The following TSGA10 variants were observed in gnomAD, a reference collection of about 807,000 sequenced individuals.
The protein encoded by TSGA10 is testis specific 10.
TSGA10 carries 43 observed loss-of-function variants against 96.6 expected under a neutral mutation model. The ratio of observed to expected loss-of-function variants is 0.44; its 90% confidence interval spans 0.35 to 0.57. The LOEUF is 0.57. Among genes scored for constraint, TSGA10 ranks in the 20% least tolerant of loss-of-function variants. The probability of loss-of-function intolerance (pLI) is 0.01; values close to 1 mark genes in which losing one functional copy is unlikely to be tolerated. For missense variants in TSGA10, 703 were observed against 834.4 expected (o/e 0.84, Z 1.94); for synonymous variants, 229 against 269.9 (o/e 0.85, Z 1.48).
chr2:99,059,236 G>A (rs1329384743), intron 16 of TSGA10, among the ~76,000 whole-genome samples: 1 of 151,358 alleles, frequency 6.6e-6, no homozygotes, highest in Non-Finnish European at 1.5e-5. Context: ...TTAAAGCAAT[G>A]TATTAGCCAG....
At chr2:99,038,175 C>T (rs1366324738) in intron 16 of TSGA10, among the ~76,000 whole-genome samples, 1 of 152,030 alleles carries the variant, frequency 6.6e-6, no homozygotes, top group African/African-American at 2.4e-5. Context: ...GAGACAAAAC[C>T]TTGAAATACA....
chr2:99,110,336 A>C (rs59506582), intron 5 of TSGA10, among the ~76,000 whole-genome samples: 1 of 152,162 alleles, frequency 6.6e-6, no homozygotes, highest in East Asian at 1.9e-4. Flanking sequence ...CTTTGACAAC[A>C]TTTATTTAAC....
intron 20 of TSGA10, among the ~76,000 whole-genome samples, chr2:99,016,977 C>T (rs1427894189): frequency 6.6e-6 from 1 of 151,966 alleles, no homozygotes; most frequent in Non-Finnish European, 1.5e-5. Flanking sequence ...GCAAGAATGG[C>T]CATAATTAAA....
At chr2:99,041,462 T>C (rs1003186175) in intron 16 of TSGA10, among the ~76,000 whole-genome samples, 2 of 152,198 alleles carry the variant, frequency 1.3e-5, no homozygotes, top group Non-Finnish European at 2.9e-5. Flanking sequence ...CAAAATAGCA[T>C]GGTACTGGTA....
intron 2 of TSGA10, among the ~76,000 whole-genome samples, chr2:99,121,761 C>A (rs13023744): frequency 6.6e-6 from 1 of 151,872 alleles, no homozygotes; most frequent in African/African-American, 2.4e-5. Flanking sequence ...CCACCACACC[C>A]GGCCAAAAAC....
intron 16 of TSGA10, among the ~76,000 whole-genome samples, chr2:99,038,584 G>A (rs72813053): frequency 0.015 from 2,258 of 152,204 alleles, 18 homozygotes; most frequent in Non-Finnish European, 0.024. Context: ...ATGATAAAAG[G>A]AAGAGTCTAA....
intron 2 of TSGA10, chr2:99,126,573 A>T (rs549945513): frequency 2.6e-5 from 4 of 152,752 alleles, no homozygotes; most frequent in African/African-American, 9.6e-5. Flanking sequence ...TCCTGGAAAA[A>T]GAAATCTCTT....
At chr2:99,144,018 C>CTT (rs36036293) in intron 1 of TSGA10, among the ~76,000 whole-genome samples, 19 of 151,452 alleles carry the variant, frequency 1.3e-4, no homozygotes, top group South Asian at 1.0e-3. Context: ...TGCTGTGTTC[C>CTT]TTTTTTTTGT....
chr2:99,090,564 G>C (rs533430812), intron 10 of TSGA10, among the ~76,000 whole-genome samples: 1 of 152,054 alleles, frequency 6.6e-6, no homozygotes, highest in African/African-American at 2.4e-5. Flanking sequence ...CAGTGAAATA[G>C]GTAGTATAAA....
chr2:99,018,494 C>A, intron 19 of TSGA10, 42 bp downstream of exon 19: 3 of 1,586,142 alleles, frequency 1.9e-6, no homozygotes, highest in Non-Finnish European at 2.6e-6. Context: ...GCTTTCCATG[C>A]TGAAAAGCAT....
In TSGA10 at chr2:99,000,510, T is replaced by TAA. The variant is rs71013451; in HGVS notation, c.2073-2291_2073-2290dup. ...GGGGGACAAGAGTGAAACTCTGACT[T>TAA]AAAAAAAAAAAAAAAAAAGGGGATC... On this transcript the variant is annotated intron_variant, in intron 20 of 20. Transcript: ENST00000393483. 1.1e-4 allele frequency among the ~76,000 whole-genome samples: 14 copies of TAA among 124,438 alleles called. No homozygotes were observed. The East Asian group carries it at 1.2e-3, about 10-fold the overall frequency. The allele number at this position is 124,438 out of a possible 152,430, so 81.6% of individuals were successfully genotyped here.
intron 15 of TSGA10, among the ~76,000 whole-genome samples, chr2:99,067,682 G>A (rs557369606): frequency 3.3e-5 from 5 of 151,936 alleles, no homozygotes; most frequent in Middle Eastern, 3.4e-3. Context: ...GCGAAACCCC[G>A]TCTCTACTAA....
At position 99,105,639 on chromosome 2, in the gene TSGA10, T is replaced by A; in HGVS notation, c.269A>T (p.Lys90Ile). ...REMMKSCKSP[K>I]STTAHAILRR... is the part of the protein sequence containing the mutation. ...GAGAATAGCATGTGCCGTTGTTGAT[T>A]TAGGACTCTTACAGCTTTTCATCAT... The change falls in exon 8 of 21, where the codon AAA becomes ATA. Residue 90 changes from lysine to isoleucine, a missense_variant. Transcript: ENST00000393483. 1 of 1,604,266 alleles carries A rather than the reference T, an allele frequency of 6.2e-7. No homozygotes were observed. Among genetic ancestry groups the A allele is most frequent in the Non-Finnish European group, 8.5e-7 (1 of 1,171,488 alleles).
chr2:99,033,695 C>T (rs1308286706), intron 17 of TSGA10, among the ~76,000 whole-genome samples: 1 of 152,026 alleles, frequency 6.6e-6, no homozygotes, highest in Non-Finnish European at 1.5e-5. Context: ...CAAAAATCAG[C>T]CAGGTGTGGT....
At chr2:99,070,043 AG>A (rs2085751163) in intron 14 of TSGA10, among the ~76,000 whole-genome samples, 4 of 152,154 alleles carry the variant, frequency 2.6e-5, no homozygotes, top group African/African-American at 7.2e-5. Flanking sequence ...TGGTCCACAG[AG>A]AGAGACCTCT....
intron 16 of TSGA10, 95 bp from the exon 17 acceptor site, chr2:99,035,534 G>C (rs2081538709): frequency 2.7e-6 from 2 of 743,170 alleles, no homozygotes; most frequent in African/African-American, 3.6e-5. Flanking sequence ...AAATCTAAGA[G>C]TAGTGCACTT....
chr2:99,065,153 A>T, intron 15 of TSGA10, 29 bp from the exon 16 acceptor site: 1 of 1,601,464 alleles, frequency 6.2e-7, no homozygotes, highest in Non-Finnish European at 8.5e-7. Context: ...CTATTACTTT[A>T]AAATGCTGAA....
At chr2:99,098,488 C>A (rs2090338839) in intron 10 of TSGA10, among the ~76,000 whole-genome samples, 2 of 137,198 alleles carry the variant, frequency 1.5e-5, no homozygotes, top group South Asian at 2.4e-4. Flanking sequence ...GAAAAAAAGG[C>A]CTAAAAAGTA....
rs1192842006 is a variant in TSGA10 at position 99,038,820 on chromosome 2, A to C, written c.1405-3381T>G. 2.6e-5 allele frequency among the ~76,000 whole-genome samples: 4 copies of C among 152,286 alleles called. No individual in the cohort carries two copies. In the East Asian group the frequency reaches 7.7e-4, roughly 29 times the overall value. ...AGATATTTACAGAACATTCTACCGAACAATTGCAGGACATACATTCTATTC... is the reference window on the plus strand; with the variant it reads ...AGATATTTACAGAACATTCTACCGACCAATTGCAGGACATACATTCTATTC... On this transcript the variant is annotated intron_variant, in intron 16 of 20. Coordinates refer to ENST00000393483, the MANE Select transcript of TSGA10 (RefSeq NM_025244.4).
Sources: gnomAD v4.1 joint callset for allele counts (sites outside exome capture counted in the v4.1 genomes callset) on GRCh38, gnomAD v4.1.1 for gene constraint, MANE v1.5 for transcripts, NCBI Gene and HGNC (gene_info 2026-07-23, HGNC 2026-07-21) for gene names.